EXOSC6: variants seen among roughly 807,000 people sequenced by gnomAD.
EXOSC6 encodes the protein exosome component 6, also known as exosome complex component MTR3.
In EXOSC6, 21 loss-of-function variants were observed where a neutral mutation model predicts 16.7. The ratio of observed to expected loss-of-function variants is 1.26; its 90% confidence interval spans 0.89 to 1.82. The LOEUF is 1.82. Among genes scored for constraint, EXOSC6 ranks in the 40% most tolerant of loss-of-function variants. EXOSC6 has a pLI of 0.00. For missense variants in EXOSC6, 538 were observed against 415.7 expected (o/e 1.29, Z -2.56); for synonymous variants, 297 against 217.1 (o/e 1.37, Z -3.24).
Position 70,250,890 on chromosome 16 carries a change from C to G in EXOSC6, c.*192G>C, listed in dbSNP as rs548411175. On this transcript the variant is annotated 3_prime_UTR_variant, in exon 1 of 1. Transcript: ENST00000435634. The stretch of plus-strand genomic sequence containing the variant: ...CAGCTCCAGGGGCTGTTGAGTTTTG[C>G]CTTTATCATTCCAAGTAGTCCCTGC... 1.6e-6 allele frequency: 1 copy of G among 617,828 alleles called. No individual in the cohort carries two copies. The highest frequency in any genetic ancestry group is 4.1e-5 in the South Asian group (1 of 24,428). The allele number at this position is 617,828 out of a possible 1,614,324, so 38.3% of individuals were successfully genotyped here.
rs1160469131 is a variant in EXOSC6, at chr16:70,248,659, G to C, written c.*2423C>G. On this transcript the variant is annotated 3_prime_UTR_variant, in exon 1 of 1. Transcript: ENST00000435634. ...TGCCTATAATGGAGTGCAGTAGCTT[G>C]ACCATAGCTCACTGTAGCTTCAACC... 2.6e-5 allele frequency: 4 copies of C among 151,762 alleles called. No individual in the cohort carries two copies. Among genetic ancestry groups the C allele is most frequent in the Non-Finnish European group, 5.9e-5 (4 of 68,004 alleles). 9.4% of individuals were successfully genotyped at this position (151,762 alleles called of 1,614,324 possible).
Position 70,247,061 on chromosome 16 carries a change from G to A in EXOSC6, c.*4021C>T. On this transcript the variant is annotated 3_prime_UTR_variant, in exon 1 of 1. Transcript: ENST00000435634. ...TGACTACATAAAAAACTGAGTATGA[G>A]ACCAAGAAAAATAGATTCTGTAGTT... The A allele has an allele frequency of 2.7e-6, 1 of 371,992 alleles. No homozygotes were observed. The highest frequency in any genetic ancestry group is 5.1e-6 in the Non-Finnish European group (1 of 196,520). The allele number at this position is 371,992 out of a possible 1,614,324, so 23.0% of individuals were successfully genotyped here.
rs1024497049 is a variant in EXOSC6 at position 70,248,240 on chromosome 16, C to T, written c.*2842G>A. On this transcript the variant is annotated 3_prime_UTR_variant, in exon 1 of 1. Coordinates refer to ENST00000435634, the MANE Select transcript of EXOSC6 (RefSeq NM_058219.3). ...GTATGATTACAATATTCTTGTTATA[C>T]AGAAGAAAAACCTTATTCTTGGGAG... The T allele has an allele frequency of 2.0e-5, 3 of 152,028 alleles. No individual in the cohort carries two copies. Among genetic ancestry groups the T allele is most frequent in the African/African-American group, 7.3e-5 (3 of 41,378 alleles). The allele number at this position is 152,028 out of a possible 1,614,324, so 9.4% of individuals were successfully genotyped here. A position where few individuals can be genotyped will look rare whatever the true frequency, so the allele number is the denominator to read the frequency against.
Position 70,251,012 on chromosome 16 carries a change from G to A in EXOSC6, c.*70C>T. The A allele has an allele frequency of 3.5e-6, 5 of 1,419,272 alleles. No individual in the cohort carries two copies. Among genetic ancestry groups the A allele is most frequent in the Non-Finnish European group, 4.6e-6 (5 of 1,091,838 alleles). 87.9% of individuals were successfully genotyped at this position (1,419,272 alleles called of 1,614,324 possible). A position where few individuals can be genotyped will look rare whatever the true frequency, so the allele number is the denominator to read the frequency against. On this transcript the variant is annotated 3_prime_UTR_variant, in exon 1 of 1. Transcript: ENST00000435634. The stretch of plus-strand genomic sequence containing the variant: ...TCTCGACGCAAACTGGAGGCCGATG[G>A]CGCGGGTCTTTTCGTGGACGGCGGC...
In EXOSC6 at chr16:70,247,925, C is replaced by A. The variant is rs1301407164; in HGVS notation, c.*3157G>T. 1 of 152,108 alleles carries A rather than the reference C, an allele frequency of 6.6e-6. No homozygotes were observed. The highest frequency in any genetic ancestry group is 2.4e-5 in the African/African-American group (1 of 41,388). 9.4% of individuals were successfully genotyped at this position (152,108 alleles called of 1,614,324 possible). Reference sequence around the variant, plus strand: ...TAAAAATTAGCAGAGCACAGTGGCACCTGCCTGTAATCCCAGCTACTCAGG... The same window carrying A: ...TAAAAATTAGCAGAGCACAGTGGCAACTGCCTGTAATCCCAGCTACTCAGG... On this transcript the variant is annotated 3_prime_UTR_variant, in exon 1 of 1. Transcript: ENST00000435634.
At position 70,251,325 on chromosome 16, in the gene EXOSC6, C is replaced by A; in HGVS notation, c.576G>T (p.Ala192=). 7.2e-7 allele frequency: 1 copy of A among 1,381,278 alleles called. No homozygotes were observed. Among genetic ancestry groups the A allele is most frequent in the Middle Eastern group, 2.4e-4 (1 of 4,108 alleles). 85.6% of individuals were successfully genotyped at this position (1,381,278 alleles called of 1,614,324 possible). A position where few individuals can be genotyped will look rare whatever the true frequency, so the allele number is the denominator to read the frequency against. ...GCGTGGGGTCCAGGAGCCAGGTGGG[C>A]GCGGGCCCCGGCGCGAGGCTGAGGC... The part of the protein sequence containing the change: ...GCGLSLAPGP[A]PTWLLDPTRL... The change falls in exon 1 of 1, where the codon GCG becomes GCT. Residue 192 remains alanine (A), a synonymous_variant. Transcript: ENST00000435634.
chr16:70,249,798 A>C lies in EXOSC6; in HGVS notation c.*1284T>G, dbSNP rs1450142760. 6.6e-6 allele frequency: 1 copy of C among 152,102 alleles called. No homozygotes were observed. Among genetic ancestry groups the C allele is most frequent in the Non-Finnish European group, 1.5e-5 (1 of 68,030 alleles). 9.4% of individuals were successfully genotyped at this position (152,102 alleles called of 1,614,324 possible). On this transcript the variant is annotated 3_prime_UTR_variant, in exon 1 of 1. Coordinates refer to ENST00000435634, the MANE Select transcript of EXOSC6 (RefSeq NM_058219.3). ...AACCCCATCTTCTCTAAAAATACAA[A>C]AAGTTAGCTGGGTGTGGTGGCAGGT...
rs1371412230 is a variant in EXOSC6 at position 70,251,250 on chromosome 16, A to T, written c.651T>A (p.Pro217=). The T allele has an allele frequency of 1.3e-6, 2 of 1,482,978 alleles. No individual in the cohort carries two copies. Among genetic ancestry groups the T allele is most frequent in the Non-Finnish European group, 1.8e-6 (2 of 1,122,502 alleles). The allele number at this position is 1,482,978 out of a possible 1,614,324, so 91.9% of individuals were successfully genotyped here. A position where few individuals can be genotyped will look rare whatever the true frequency, so the allele number is the denominator to read the frequency against. Residue 217 remains proline, a synonymous_variant, in exon 1 of 1, where the codon CCT becomes CCA. Coordinates refer to ENST00000435634, the MANE Select transcript of EXOSC6 (RefSeq NM_058219.3). ...AAAGLTVALM[P]VLNQVAGLLG... ...GCAGCCCGGCCACCTGATTCAGCACAGGCATGAGCGCCACGGTGAGGCCGG... is the reference window on the plus strand; with the variant it reads ...GCAGCCCGGCCACCTGATTCAGCACTGGCATGAGCGCCACGGTGAGGCCGG...
Position 70,251,846 on chromosome 16 carries a change from G to C in EXOSC6, c.55C>G (p.Leu19Val). The C allele has an allele frequency of 6.4e-7, 1 of 1,552,514 alleles. No homozygotes were observed. Among genetic ancestry groups the C allele is most frequent in the Non-Finnish European group, 8.6e-7 (1 of 1,159,704 alleles). Residue 19 changes from leucine (L) to valine (V), a missense_variant, in exon 1 of 1, where the codon CTG becomes GTG. Leu to Val is a conservative substitution (Grantham distance 32). Transcript: ENST00000435634. ...GCCTCCTCCTCGTCGGCCGCGTACA[G>C]CTGCGGCGGCTGCGATTCTTCAGGG... ...RGPEESQPPQLYAADEEEAPG... is the reference protein window; with the variant it reads ...RGPEESQPPQVYAADEEEAPG...
In EXOSC6 at chr16:70,251,593, G is replaced by A. The variant is rs1446450631; in HGVS notation, c.308C>T (p.Ala103Val). ...RGRLLCDFRR[A>V]PFAGRRRRAP... ...GCGGCGCCGGCGGCCCGCGAAGGGT[G>A]CGCGGCGGAAGTCGCAGAGCAGGCG... Residue 103 changes from alanine to valine, a missense_variant, in exon 1 of 1, where the codon GCA (alanine) becomes GTA (valine). Ala to Val is a moderately conservative substitution (Grantham distance 64). Coordinates refer to ENST00000435634, the MANE Select transcript of EXOSC6 (RefSeq NM_058219.3). 6.5e-6 allele frequency: 7 copies of A among 1,080,638 alleles called. No homozygotes were observed. Among genetic ancestry groups the A allele is most frequent in the Non-Finnish European group, 3.4e-6 (3 of 894,454 alleles). 66.9% of individuals were successfully genotyped at this position (1,080,638 alleles called of 1,614,324 possible).
At position 70,251,732 on chromosome 16, in the gene EXOSC6, C is replaced by T. The variant is rs1186363915; in HGVS notation, c.169G>A (p.Ala57Thr). ...GCACACAGCACCTTGGTGCCTCCCG[C>T]CTCCAGGTAGGCCGAGCCCTTGGCC... ...SQAKGSAYLE[A>T]GGTKVLCAVS... is the part of the protein sequence containing the mutation. The change falls in exon 1 of 1, where the codon GCG becomes ACG. Residue 57 changes from alanine to threonine, a missense_variant. Ala to Thr is a moderately conservative substitution (Grantham distance 58). Transcript: ENST00000435634. The T allele has an allele frequency of 1.4e-6, 2 of 1,397,830 alleles. No homozygotes were observed. The highest frequency in any genetic ancestry group is 1.8e-6 in the Non-Finnish European group (2 of 1,087,382). The allele number at this position is 1,397,830 out of a possible 1,614,324, so 86.6% of individuals were successfully genotyped here.
In EXOSC6 at chr16:70,246,839, T is replaced by G. The variant is rs1378213072; in HGVS notation, c.*4243A>C. 1 of 572,976 alleles carries G rather than the reference T, an allele frequency of 1.7e-6. No individual in the cohort carries two copies. The highest frequency in any genetic ancestry group is 1.9e-5 in the African/African-American group (1 of 52,274). The allele number at this position is 572,976 out of a possible 1,614,324, so 35.5% of individuals were successfully genotyped here. On this transcript the variant is annotated 3_prime_UTR_variant, in exon 1 of 1. Coordinates refer to ENST00000435634, the MANE Select transcript of EXOSC6 (RefSeq NM_058219.3). ...TATTTTAAGGTACGAACGTCAGAAA[T>G]AAAAATGCAGCATTTAACCCTGGAA...
chr16:70,251,901 G>A lies in EXOSC6; in HGVS notation c.-1C>T, dbSNP rs1379507152. 5.2e-5 allele frequency: 79 copies of A among 1,521,292 alleles called. No individual in the cohort carries two copies. The highest frequency in any genetic ancestry group is 6.6e-5 in the Non-Finnish European group (75 of 1,144,958). The allele number at this position is 1,521,292 out of a possible 1,614,324, so 94.2% of individuals were successfully genotyped here. A position where few individuals can be genotyped will look rare whatever the true frequency, so the allele number is the denominator to read the frequency against. On this transcript the variant is annotated 5_prime_UTR_variant, in exon 1 of 1. Transcript: ENST00000435634. Reference sequence around the variant, plus strand: ...GGATGCGGCGGTGATCCCCAGGCATGGCGGTTCTTGGCGTGCGAACCCCTT... The same window carrying A: ...GGATGCGGCGGTGATCCCCAGGCATAGCGGTTCTTGGCGTGCGAACCCCTT...
rs1009020715 is a variant in EXOSC6, at chr16:70,250,120, T to G, written c.*962A>C. 3 of 133,574 alleles carry G rather than the reference T, an allele frequency of 2.2e-5. No homozygotes were observed. The highest frequency in any genetic ancestry group is 5.2e-5 in the Non-Finnish European group (3 of 57,270). 8.3% of individuals were successfully genotyped at this position (133,574 alleles called of 1,614,324 possible). On this transcript the variant is annotated 3_prime_UTR_variant, in exon 1 of 1. Transcript: ENST00000435634. ...CAAATAAAAGCCTTCCACTAGAAACTAAAAATAATAATAATAATAATAATG... is the reference window on the plus strand; with the variant it reads ...CAAATAAAAGCCTTCCACTAGAAACGAAAAATAATAATAATAATAATAATG...
rs1959762004 is a variant in EXOSC6 at position 70,249,638 on chromosome 16, A to C, written c.*1444T>G. 2.6e-5 allele frequency: 4 copies of C among 152,104 alleles called. No homozygotes were observed. The highest frequency in any genetic ancestry group is 2.6e-4 in the Admixed American group (4 of 15,266). The allele number at this position is 152,104 out of a possible 1,614,324, so 9.4% of individuals were successfully genotyped here. On this transcript the variant is annotated 3_prime_UTR_variant, in exon 1 of 1. Coordinates refer to ENST00000435634, the MANE Select transcript of EXOSC6 (RefSeq NM_058219.3). ...GGAGTTCCTATTTTCAAATTTGCAA[A>C]TCATTCTGGTGCTAAGCAATCTCAA...
In EXOSC6 at chr16:70,250,889, G is replaced by C; in HGVS notation, c.*193C>G. On this transcript the variant is annotated 3_prime_UTR_variant, in exon 1 of 1. Coordinates refer to ENST00000435634, the MANE Select transcript of EXOSC6 (RefSeq NM_058219.3). ...GCAGCTCCAGGGGCTGTTGAGTTTT[G>C]CCTTTATCATTCCAAGTAGTCCCTG... is the stretch of plus-strand genomic sequence containing the variant. 3.3e-6 allele frequency: 2 copies of C among 601,078 alleles called. No individual in the cohort carries two copies. Among genetic ancestry groups the C allele is most frequent in the East Asian group, 6.9e-5 (2 of 28,804 alleles). 37.2% of individuals were successfully genotyped at this position (601,078 alleles called of 1,614,324 possible). A position where few individuals can be genotyped will look rare whatever the true frequency, so the allele number is the denominator to read the frequency against.
Position 70,251,672 on chromosome 16 carries a change from G to A in EXOSC6, c.229C>T (p.Arg77Cys). ...SGPRQAEGGE[R>C]GGGPAGAGGE... Reference sequence around the variant, plus strand: ...CCTGCTCCGGCCGGGCCGCCGCCGCGCTCGCCGCCCTCGGCCTGTCGCGGG... The same window carrying A: ...CCTGCTCCGGCCGGGCCGCCGCCGCACTCGCCGCCCTCGGCCTGTCGCGGG... The change falls in exon 1 of 1, where the codon CGC becomes TGC. Residue 77 changes from arginine (R) to cysteine (C), a missense_variant. By Grantham distance (180) the Arg-to-Cys change is radical. Coordinates refer to ENST00000435634, the MANE Select transcript of EXOSC6 (RefSeq NM_058219.3). 2 of 1,233,010 alleles carry A rather than the reference G, an allele frequency of 1.6e-6. No individual in the cohort carries two copies. Among genetic ancestry groups the A allele is most frequent in the Non-Finnish European group, 2.0e-6 (2 of 990,648 alleles). The allele number at this position is 1,233,010 out of a possible 1,614,324, so 76.4% of individuals were successfully genotyped here. A position where few individuals can be genotyped will look rare whatever the true frequency, so the allele number is the denominator to read the frequency against.
chr16:70,251,259 C>T lies in EXOSC6; in HGVS notation c.642G>A (p.Ala214=). The change falls in exon 1 of 1, where the codon GCG becomes GCA. Residue 214 remains alanine, a synonymous_variant. Transcript: ENST00000435634. ...CCACCTGATTCAGCACAGGCATGAG[C>T]GCCACGGTGAGGCCGGCGGCGGCGC... is the stretch of plus-strand genomic sequence containing the variant. The part of the protein sequence containing the change: ...EERAAAGLTV[A]LMPVLNQVAG... 10 of 1,469,542 alleles carry T rather than the reference C, an allele frequency of 6.8e-6. No homozygotes were observed. The highest frequency in any genetic ancestry group is 9.0e-6 in the Non-Finnish European group (10 of 1,116,176). 91.0% of individuals were successfully genotyped at this position (1,469,542 alleles called of 1,614,324 possible).
At position 70,247,146 on chromosome 16, in the gene EXOSC6, A is replaced by G. The variant is rs148843060; in HGVS notation, c.*3936T>C. 8.3e-4 allele frequency: 253 copies of G among 306,092 alleles called. 6 individuals are homozygous for G. The East Asian group carries it at 0.023, about 27-fold the overall frequency. The allele number at this position is 306,092 out of a possible 1,614,324, so 19.0% of individuals were successfully genotyped here. A position where few individuals can be genotyped will look rare whatever the true frequency, so the allele number is the denominator to read the frequency against. On this transcript the variant is annotated 3_prime_UTR_variant, in exon 1 of 1. Coordinates refer to ENST00000435634, the MANE Select transcript of EXOSC6 (RefSeq NM_058219.3). ...CTACTCGGGAGGCTGAGACACAAGAATCGCTTGAACCCAGGAGGCAGAGGT... is the reference window on the plus strand; with the variant it reads ...CTACTCGGGAGGCTGAGACACAAGAGTCGCTTGAACCCAGGAGGCAGAGGT...
Sources: gnomAD v4.1 joint callset for allele counts on GRCh38, gnomAD v4.1.1 for gene constraint, MANE v1.5 for transcripts, NCBI Gene and HGNC (gene_info 2026-07-23, HGNC 2026-07-21) for gene names.